DNAH5: variants seen among roughly 807,000 people sequenced by gnomAD.
The protein encoded by DNAH5 is axonemal beta dynein heavy chain 5.
In DNAH5, 372 loss-of-function variants were observed where a neutral mutation model predicts 518.2. That is an observed-to-expected ratio of 0.72 (90% CI 0.66 to 0.78). The LOEUF (loss-of-function observed/expected upper bound fraction) is 0.78. Ranked by LOEUF, DNAH5 falls within the 30% of genes least tolerant of loss-of-function variation. DNAH5 has a pLI of 0.00. For missense variants in DNAH5, 5,523 were observed against 5,687.0 expected (o/e 0.97, Z 0.93); for synonymous variants, 2,039 against 2,025.9 (o/e 1.01, Z -0.17).
At chr5:13,792,276 G>A (rs1045068727) in intron 49 of DNAH5, 59 bp from the exon 50 acceptor site, 2 of 1,477,452 alleles carry the variant, frequency 1.4e-6, no homozygotes, top group South Asian at 1.1e-5. Flanking sequence ...AAATGAAAAT[G>A]AAAAGCATTA....
At chr5:13,871,158 A>G (rs1770045482) in intron 23 of DNAH5, among the ~76,000 whole-genome samples, 156 bp from the exon 24 acceptor site, 1 of 152,208 alleles carries the variant, frequency 6.6e-6, no homozygotes, top group Admixed American at 6.5e-5. Context: ...TTTCCTACTC[A>G]TTATATATTC....
At chr5:13,953,777 G>A (rs568529556) in intron 1 of DNAH5, among the ~76,000 whole-genome samples, 47 of 152,182 alleles carry the variant, frequency 3.1e-4, no homozygotes, top group South Asian at 1.9e-3. Flanking sequence ...GCGCGATCTC[G>A]GCTTGATGCA....
chr5:13,925,631 A>G (rs374009980), intron 3 of DNAH5, among the ~76,000 whole-genome samples: 8 of 152,290 alleles, frequency 5.3e-5, no homozygotes, highest in African/African-American at 1.9e-4. Context: ...TCAAACCATC[A>G]GATCTCATGA....
intron 27 of DNAH5, among the ~76,000 whole-genome samples, chr5:13,865,006 CTTTTTTTT>C (rs70964512): frequency 8.0e-6 from 1 of 124,960 alleles, no homozygotes; most frequent in African/African-American, 3.1e-5. Context: ...ACAAATAGCT[CTTTTTTTT>C]TTTTTTTTTT....
chr5:13,948,548 T>C (rs1482873362), upstream of DNAH5, among the ~76,000 whole-genome samples: 1 of 152,112 alleles, frequency 6.6e-6, no homozygotes, highest in Non-Finnish European at 1.5e-5. Context: ...AATTAGTAGA[T>C]AGGAAAACTA....
chr5:13,879,619 G>A (rs1450683010), intron 21 of DNAH5, among the ~76,000 whole-genome samples: 1 of 151,546 alleles, frequency 6.6e-6, no homozygotes, highest in Non-Finnish European at 1.5e-5. Flanking sequence ...GTATAAAAAA[G>A]CACCAAACAG....
chr5:13,777,266 G>A lies in DNAH5; in HGVS notation c.9041C>T (p.Thr3014Ile). ...TGACTCATCTTTAATCTCATTGTCT[G>A]TGAAAATAAAAGTGATTCCTTTGCC... is the stretch of plus-strand genomic sequence containing the variant. ...QQGKGITFIF[T>I]DNEIKDESFL... Residue 3014 changes from threonine to isoleucine, a missense_variant, in exon 54 of 79, where the codon ACA (threonine) becomes ATA (isoleucine). Around this residue, in one of 3 missense-constraint regions of DNAH5, gnomAD observed 5,121 missense variants for 5,223.3 expected, o/e 0.98. Transcript: ENST00000265104. 2 of 1,612,988 alleles carry A rather than the reference G, an allele frequency of 1.2e-6. No homozygotes were observed. Among genetic ancestry groups the A allele is most frequent in the Non-Finnish European group, 1.7e-6 (2 of 1,179,302 alleles).
chr5:13,902,568 G>GA (rs1361215084), intron 12 of DNAH5, among the ~76,000 whole-genome samples: 1 of 152,040 alleles, frequency 6.6e-6, no homozygotes, highest in Non-Finnish European at 1.5e-5. Flanking sequence ...CCTTGAATAG[G>GA]AAAAAAAGTC....
intron 1 of DNAH5, among the ~76,000 whole-genome samples, chr5:14,006,280 G>A (rs1199644845): frequency 1.3e-5 from 2 of 152,184 alleles, no homozygotes; most frequent in Non-Finnish European, 2.9e-5. Context: ...ACCAGCGCGA[G>A]GCTATAACAG....
rs577995501 is a variant in DNAH5 at position 13,808,955 on chromosome 5, G to A, written c.7752+89C>T. The A allele has an allele frequency of 1.4e-4, 211 of 1,514,886 alleles. 1 individual carries two copies. Among genetic ancestry groups the A allele is most frequent in the African/African-American group, 1.3e-3 (93 of 72,084 alleles). 93.8% of individuals were successfully genotyped at this position (1,514,886 alleles called of 1,614,324 possible). Reference sequence around the variant, plus strand: ...AGCCTGGGCGACAGAGTGAGACTCCGTCTCAGTAAATAACTAAATAAATAA... The same window carrying A: ...AGCCTGGGCGACAGAGTGAGACTCCATCTCAGTAAATAACTAAATAAATAA... On this transcript the variant is annotated intron_variant, in intron 46 of 78. Transcript: ENST00000265104.
At chr5:13,735,750 T>TA in intron 67 of DNAH5, 68 bp downstream of exon 67, 1 of 1,194,342 alleles carries the variant, frequency 8.4e-7, no homozygotes, top group Non-Finnish European at 1.3e-6. Flanking sequence ...AAGGAAGTTA[T>TA]AAATGTAATG....
intron 55 of DNAH5, among the ~76,000 whole-genome samples, chr5:13,776,193 T>C (rs1467858253): frequency 6.6e-6 from 1 of 152,170 alleles, no homozygotes; most frequent in Non-Finnish European, 1.5e-5. Context: ...TTTTCCTCTT[T>C]GATTCTCAGC....
intron 55 of DNAH5, 167 bp from the exon 56 acceptor site, chr5:13,771,147 C>G: frequency 1.6e-6 from 1 of 612,904 alleles, no homozygotes; most frequent in Non-Finnish European, 2.9e-6. Flanking sequence ...CCTATAACAT[C>G]AACAATTTTA....
At chr5:13,741,475 T>C (rs954137630) in intron 65 of DNAH5, among the ~76,000 whole-genome samples, 1 of 152,184 alleles carries the variant, frequency 6.6e-6, no homozygotes, top group Non-Finnish European at 1.5e-5. Context: ...GCTCCCTTAG[T>C]GGTTATTTCA....
At chr5:13,931,848 A>G (rs1778460066) in intron 1 of DNAH5, among the ~76,000 whole-genome samples, 1 of 152,234 alleles carries the variant, frequency 6.6e-6, no homozygotes, top group African/African-American at 2.4e-5. Flanking sequence ...CTATATTTAC[A>G]TCATACTATA....
intron 9 of DNAH5, 67 bp from the exon 10 acceptor site, chr5:13,914,709 G>A (rs1279496737): frequency 1.3e-6 from 2 of 1,516,220 alleles, no homozygotes; most frequent in Non-Finnish European, 1.8e-6. Flanking sequence ...TGGACTAGAA[G>A]GTCCTTAACT....
chr5:13,752,347 G>A (rs1750360705), intron 63 of DNAH5, 58 bp from the exon 64 acceptor site: 6 of 1,574,126 alleles, frequency 3.8e-6, no homozygotes, highest in African/African-American at 1.3e-5. Context: ...CAATGCACAG[G>A]GATAACTGTT....
At chr5:13,720,063 G>C (rs576653983) in intron 71 of DNAH5, among the ~76,000 whole-genome samples, 1 of 145,782 alleles carries the variant, frequency 6.9e-6, no homozygotes, top group African/African-American at 2.5e-5. Flanking sequence ...ACCCATCTTA[G>C]ATCACTGACT....
At chr5:13,896,876 C>T (rs1773975499) in intron 15 of DNAH5, 1 of 152,124 alleles carries the variant, frequency 6.6e-6, no homozygotes, top group Non-Finnish European at 1.5e-5. Flanking sequence ...CCCATAAATA[C>T]AGTTGGTATT....
Sources: allele counts gnomAD v4.1 joint callset (sites outside exome capture counted in the v4.1 genomes callset), GRCh38; gene constraint gnomAD v4.1.1; regional missense constraint gnomAD v4.1.1; transcripts MANE v1.5; gene names NCBI Gene and HGNC (gene_info 2026-07-23, HGNC 2026-07-21).